CASZ1: variants seen among roughly 807,000 people sequenced by gnomAD.
CASZ1 encodes castor zinc finger 1.
In CASZ1, 28 loss-of-function variants were observed where a neutral mutation model predicts 135.2. The observed-to-expected ratio is 0.21, with a 90% confidence interval of 0.15 to 0.28. The LOEUF is 0.28. CASZ1 is among the 10% of genes least tolerant of loss of function. The pLI, the probability that CASZ1 is intolerant of heterozygous loss-of-function variation, is 1.00. For synonymous variants in CASZ1, 1,068 were observed against 1,073.4 expected (o/e 0.99, Z 0.10); for missense variants, 2,161 against 2,453.3 (o/e 0.88, Z 2.52).
chr1:10,642,789 G>A, intron 20 of CASZ1, 70 bp downstream of exon 20: 1 of 1,550,188 alleles, frequency 6.5e-7, no homozygotes, highest in Non-Finnish European at 8.8e-7. Flanking sequence ...TCTGTCCCAA[G>A]CTGCACCCAG....
chr1:10,674,940 C>A (rs1363040965), intron 4 of CASZ1, among the ~76,000 whole-genome samples: 2 of 152,236 alleles, frequency 1.3e-5, no homozygotes, highest in Non-Finnish European at 1.5e-5. Flanking sequence ...AGCAGGGGAG[C>A]AGCCCTGGCT....
At chr1:10,640,310 G>A (rs1187998713) in intron 20 of CASZ1, among the ~76,000 whole-genome samples, 1 of 152,230 alleles carries the variant, frequency 6.6e-6, no homozygotes, top group Non-Finnish European at 1.5e-5. Flanking sequence ...CCGGGGGGTG[G>A]CAGCCCAACC....
intron 2 of CASZ1, among the ~76,000 whole-genome samples, chr1:10,728,993 A>G (rs1053589258): frequency 6.6e-6 from 1 of 150,868 alleles, no homozygotes; most frequent in Admixed American, 6.6e-5. Context: ...CCGGACAGCT[A>G]TTTTCTGTCA....
rs2100572787 is a variant in CASZ1 at position 10,759,549 on chromosome 1, C to T, written c.-77+1152G>A. 6.6e-6 allele frequency among the ~76,000 whole-genome samples: 1 copy of T among 152,314 alleles called. No homozygotes were observed. The highest frequency in any genetic ancestry group is 2.1e-4 in the South Asian group (1 of 4,822). ...TGCATCTGATTTGCAAATCTCTGGGCTGTATCCAGAGCTAGTTCCCTGAGG... is the reference window on the plus strand; with the variant it reads ...TGCATCTGATTTGCAAATCTCTGGGTTGTATCCAGAGCTAGTTCCCTGAGG... On this transcript the variant is annotated intron_variant, in intron 2 of 20. Coordinates refer to ENST00000377022, the MANE Select transcript of CASZ1 (RefSeq NM_001079843.3). The surrounding 1 kb of genome is among the most constrained non-coding windows in gnomAD (Gnocchi z 4.2).
intron 2 of CASZ1, among the ~76,000 whole-genome samples, chr1:10,760,138 T>G (rs1315122214): frequency 1.3e-5 from 2 of 152,318 alleles, no homozygotes; most frequent in East Asian, 3.9e-4. Flanking sequence ...TTCTCCTCTA[T>G]GAAGGGTCCT....
chr1:10,753,505 C>T (rs1432492321), intron 2 of CASZ1, among the ~76,000 whole-genome samples: 1 of 152,206 alleles, frequency 6.6e-6, no homozygotes, highest in East Asian at 1.9e-4. Context: ...CTCAGCTCAA[C>T]GGCTAATCCC....
At chr1:10,793,845 G>A (rs1309903583) in intron 1 of CASZ1, among the ~76,000 whole-genome samples, 5 of 152,144 alleles carry the variant, frequency 3.3e-5, no homozygotes, top group African/African-American at 4.8e-5. Context: ...TCCCGCGAGG[G>A]GCACACCCTA....
Position 10,727,431 on chromosome 1 carries a change from C to G in CASZ1, c.-76-21887G>C, listed in dbSNP as rs1639617516. 6.6e-6 allele frequency among the ~76,000 whole-genome samples: 1 copy of G among 151,856 alleles called. No individual in the cohort carries two copies. The highest frequency in any genetic ancestry group is 2.4e-5 in the African/African-American group (1 of 41,354). The stretch of plus-strand genomic sequence containing the variant: ...AACAACCCAGCCTCCCAGAAGCTCA[C>G]AAACACCCCAGCTCCTTGAACCCCC... On this transcript the variant is annotated intron_variant, in intron 2 of 20. Coordinates refer to ENST00000377022, the MANE Select transcript of CASZ1 (RefSeq NM_001079843.3). This position sits in a 1 kb window ranked among gnomAD's most constrained non-coding sequence, Gnocchi z 5.3.
rs367777444 is a variant in CASZ1, at chr1:10,640,973, C to T, written c.4163-914G>A. Among the ~76,000 whole-genome samples the T allele has an allele frequency of 4.6e-5, 7 of 152,214 alleles. No homozygotes were observed. In the East Asian group the frequency reaches 1.2e-3, roughly 25 times the overall value. ...CAGCTAGTCCTGGCTCCCCACGCCA[C>T]CCTCCACAAACAAGAGAAGCTCTCT... On this transcript the variant is annotated intron_variant, in intron 20 of 20. Transcript: ENST00000377022.
intron 3 of CASZ1, among the ~76,000 whole-genome samples, chr1:10,705,013 C>T (rs187866033): frequency 1.3e-5 from 2 of 152,354 alleles, no homozygotes; most frequent in Middle Eastern, 3.4e-3. Context: ...TGGAGGAAGC[C>T]ACTAGGGGTG....
intron 2 of CASZ1, among the ~76,000 whole-genome samples, chr1:10,750,260 C>A (rs1342904): frequency 2.0e-5 from 3 of 152,060 alleles, no homozygotes; most frequent in Non-Finnish European, 4.4e-5. Flanking sequence ...TGCTTTGCTT[C>A]GATTTTCTTT....
At chr1:10,688,222 G>A (rs989894434) in intron 4 of CASZ1, among the ~76,000 whole-genome samples, 6 of 152,170 alleles carry the variant, frequency 3.9e-5, no homozygotes, top group Non-Finnish European at 7.4e-5. Context: ...GCACAGCAAC[G>A]TCACAGGTCT....
intron 5 of CASZ1, among the ~76,000 whole-genome samples, chr1:10,662,227 A>C (rs1008548733): frequency 2.8e-5 from 4 of 143,870 alleles, no homozygotes; most frequent in Admixed American, 1.4e-4. Context: ...CAATCACATA[A>C]AACACACACA....
chr1:10,703,452 A>G (rs6675344), intron 3 of CASZ1, among the ~76,000 whole-genome samples: 4,668 of 151,828 alleles, frequency 0.031, 258 homozygotes, highest in African/African-American at 0.11. Context: ...CGATAACTCA[A>G]CCTTCACAGC....
intron 4 of CASZ1, among the ~76,000 whole-genome samples, chr1:10,691,949 C>A (rs951987767): frequency 7.9e-5 from 12 of 152,240 alleles, no homozygotes; most frequent in Non-Finnish European, 1.6e-4. Flanking sequence ...CTGAGTCCCA[C>A]TGGGAGTGCT....
rs1055452110 is a variant in CASZ1 at position 10,762,182 on chromosome 1, G to A, written c.-233-1325C>T. 2.0e-5 allele frequency among the ~76,000 whole-genome samples: 3 copies of A among 152,042 alleles called. No homozygotes were observed. Among genetic ancestry groups the A allele is most frequent in the African/African-American group, 7.2e-5 (3 of 41,384 alleles). On this transcript the variant is annotated intron_variant, in intron 1 of 20. Coordinates refer to ENST00000377022, the MANE Select transcript of CASZ1 (RefSeq NM_001079843.3). This position sits in a 1 kb window ranked among gnomAD's most constrained non-coding sequence, Gnocchi z 4.1. ...AGGTGAGAGCTTCAGCATCAGCTCT[G>A]CCCTACCTCGGCTGGGGCAATGCCA...
intron 1 of CASZ1, among the ~76,000 whole-genome samples, chr1:10,769,197 T>C (rs1179741117): frequency 6.6e-6 from 1 of 152,200 alleles, no homozygotes; most frequent in African/African-American, 2.4e-5. Context: ...AGCCACGCTA[T>C]GGACCACTAT....
rs78411286 is a variant in CASZ1, at chr1:10,774,433, A to G, written c.-233-13576T>C. Among the ~76,000 whole-genome samples the G allele has an allele frequency of 1.1e-3, 168 of 152,178 alleles. No individual in the cohort carries two copies. Among genetic ancestry groups the G allele is most frequent in the Non-Finnish European group, 1.4e-3 (96 of 67,980 alleles). On this transcript the variant is annotated intron_variant, in intron 1 of 20. Transcript: ENST00000377022. The surrounding 1 kb of genome is among the most constrained non-coding windows in gnomAD (Gnocchi z 4.4). ...GGGATTTGGAAAAAGTCCCACCACCAGGGCCTCCTGTGTAGTCTACAGAGG... is the reference window on the plus strand; with the variant it reads ...GGGATTTGGAAAAAGTCCCACCACCGGGGCCTCCTGTGTAGTCTACAGAGG...
chr1:10,716,318 A>G (rs1352991183), intron 2 of CASZ1, among the ~76,000 whole-genome samples: 1 of 152,228 alleles, frequency 6.6e-6, no homozygotes, highest in East Asian at 1.9e-4. Flanking sequence ...CCCCATCCAC[A>G]TGGCTCTCGG....
Sources: allele counts gnomAD v4.1 joint callset (sites outside exome capture counted in the v4.1 genomes callset), GRCh38; gene constraint gnomAD v4.1.1; non-coding constraint Gnocchi (gnomAD v3.1); transcripts MANE v1.5; gene names NCBI Gene and HGNC (gene_info 2026-07-23, HGNC 2026-07-21).